The following CD46 variants were observed in gnomAD, a reference collection of about 807,000 sequenced individuals.
CD46 encodes the protein CD46 molecule, also known as membrane cofactor protein.
Under a neutral mutation model 53.3 loss-of-function variants are expected in CD46, and 30 were observed. That is an observed-to-expected ratio of 0.56 (90% CI 0.42 to 0.76). The LOEUF is 0.76. Ranked by LOEUF, CD46 falls within the 30% of genes least tolerant of loss-of-function variation. The probability of loss-of-function intolerance (pLI) is 0.00; values close to 1 mark genes in which losing one functional copy is unlikely to be tolerated. For synonymous variants in CD46, 142 were observed against 152.0 expected, an observed-to-expected ratio of 0.93 and a Z score of 0.48; for missense variants, 409 against 463.0, an observed-to-expected ratio of 0.88 and a Z score of 1.07.
intron 5 of CD46, 84 bp from the exon 6 acceptor site, chr1:207,766,929 G>C: frequency 9.2e-7 from 1 of 1,082,044 alleles, no homozygotes; most frequent in Non-Finnish European, 1.4e-6. Flanking sequence ...CCTTGTCTCT[G>C]TTCACACTGG....
chr1:207,775,218 T>C (rs1438354647), intron 8 of CD46, among the ~76,000 whole-genome samples: 1 of 152,222 alleles, frequency 6.6e-6, no homozygotes, highest in Non-Finnish European at 1.5e-5. Flanking sequence ...GTGCCGTGGT[T>C]TTCAGCTCCA....
chr1:207,782,898 C>A (rs1166567137), intron 8 of CD46, among the ~76,000 whole-genome samples: 1 of 151,626 alleles, frequency 6.6e-6, no homozygotes, highest in East Asian at 1.9e-4. Context: ...CGTGATCCGC[C>A]TGCCTCGGCC....
chr1:207,784,903 C>A (rs1216142516), intron 9 of CD46, among the ~76,000 whole-genome samples, 168 bp from the exon 10 acceptor site: 2 of 152,202 alleles, frequency 1.3e-5, no homozygotes, highest in Non-Finnish European at 2.9e-5. Context: ...TCAATTACCT[C>A]TCATGGGGTC....
chr1:207,790,469 T>C lies in CD46; in HGVS notation c.*41+124T>C, dbSNP rs542214744. 11 of 625,582 alleles carry C rather than the reference T, an allele frequency of 1.8e-5. No individual in the cohort carries two copies. In the South Asian group the frequency reaches 1.8e-4, roughly 10 times the overall value. The allele number at this position is 625,582 out of a possible 1,614,324, so 38.8% of individuals were successfully genotyped here. ...GTAAATATCAAAGAGGAAATTTACA[T>C]TCCTGTTCCCTTTGCTAAATTATTG... On this transcript the variant is annotated intron_variant, in intron 12 of 12. Transcript: ENST00000367042.
chr1:207,776,587 CTT>C (rs1658138810), intron 8 of CD46, among the ~76,000 whole-genome samples: 1 of 152,038 alleles, frequency 6.6e-6, no homozygotes, highest in African/African-American at 2.4e-5. Flanking sequence ...AAAATAACAT[CTT>C]GTTTTAATTT....
Position 207,767,809 on chromosome 1 carries a change from C to T in CD46, c.887C>T (p.Ala296Val), listed in dbSNP as rs753859532. 1.8e-4 allele frequency: 282 copies of T among 1,610,846 alleles called. No homozygotes were observed. In the East Asian group the frequency reaches 2.0e-3, roughly 12 times the overall value. Residue 296 changes from alanine to valine, a missense_variant, in exon 7 of 13, where the codon GCG (alanine) becomes GTG (valine). Coordinates refer to ENST00000367042, the MANE Select transcript of CD46 (RefSeq NM_172351.3). ...VSTSSTTKSPASSASGPRPTY... is the reference protein window; with the variant it reads ...VSTSSTTKSPVSSASGPRPTY... ...ACTTCTTCCACTACAAAATCTCCAG[C>T]GTCCAGTGCCTCAGGTTTAGTAATT... is the stretch of plus-strand genomic sequence containing the variant.
intron 4 of CD46, chr1:207,760,128 TG>T (rs1656016721): frequency 5.8e-6 from 1 of 172,480 alleles, no homozygotes; most frequent in African/African-American, 2.4e-5. Context: ...TCTGCCCCCG[TG>T]GGCCTCCCAA....
intron 7 of CD46, 170 bp from the exon 8 acceptor site, chr1:207,770,151 A>G (rs1467470495): frequency 1.6e-6 from 1 of 620,074 alleles, no homozygotes; most frequent in Non-Finnish European, 2.9e-6. Context: ...TACATCTTAC[A>G]TACTTGTGCA....
At chr1:207,758,471 C>T (rs1004732005) in intron 3 of CD46, among the ~76,000 whole-genome samples, 4 of 152,110 alleles carry the variant, frequency 2.6e-5, no homozygotes, top group African/African-American at 4.8e-5. Flanking sequence ...ACAACGTGCT[C>T]TTATGGTAAT....
intron 3 of CD46, among the ~76,000 whole-genome samples, chr1:207,758,944 A>C (rs1655872124): frequency 6.6e-6 from 1 of 151,812 alleles, no homozygotes; most frequent in African/African-American, 2.4e-5. Flanking sequence ...ATTATTCATG[A>C]TAATTACTCT....
chr1:207,781,626 C>T (rs1011107510), intron 8 of CD46, among the ~76,000 whole-genome samples: 1 of 152,092 alleles, frequency 6.6e-6, no homozygotes, highest in Admixed American at 6.6e-5. Flanking sequence ...TCCAGCTTCA[C>T]TTTTTTTGCA....
intron 12 of CD46, among the ~76,000 whole-genome samples, 186 bp downstream of exon 12, chr1:207,790,531 T>C (rs995664319): frequency 5.9e-5 from 9 of 152,196 alleles, no homozygotes; most frequent in African/African-American, 2.2e-4. Context: ...AAACATAATG[T>C]GTACTGACAG....
intron 1 of CD46, among the ~76,000 whole-genome samples, chr1:207,755,441 C>T (rs1270000061): frequency 1.3e-5 from 2 of 152,198 alleles, no homozygotes; most frequent in Non-Finnish European, 2.9e-5. Flanking sequence ...GAGAAGGTTT[C>T]GTAAGCAGAC....
rs1184654951 is a variant in CD46, at chr1:207,794,782, T to C, written c.*1305T>C. The C allele has an allele frequency of 2.6e-5, 4 of 152,344 alleles. No homozygotes were observed. The East Asian group carries it at 7.7e-4, about 29-fold the overall frequency. 9.4% of individuals were successfully genotyped at this position (152,344 alleles called of 1,614,324 possible). The stretch of plus-strand genomic sequence containing the variant: ...GAGTCCCTTAGCCAAGCAGTTTCTT[T>C]CAAAGAAGCCAGCAGGCGAAAAGCA... On this transcript the variant is annotated 3_prime_UTR_variant, in exon 13 of 13. Coordinates refer to ENST00000367042, the MANE Select transcript of CD46 (RefSeq NM_172351.3).
Position 207,794,009 on chromosome 1 carries a change from A to T in CD46, c.*532A>T. The T allele has an allele frequency of 5.5e-6, 1 of 181,266 alleles. No individual in the cohort carries two copies. Among genetic ancestry groups the T allele is most frequent in the South Asian group, 1.1e-4 (1 of 8,720 alleles). The allele number at this position is 181,266 out of a possible 1,614,324, so 11.2% of individuals were successfully genotyped here. A position where few individuals can be genotyped will look rare whatever the true frequency, so the allele number is the denominator to read the frequency against. On this transcript the variant is annotated 3_prime_UTR_variant, in exon 13 of 13. Transcript: ENST00000367042. Reference sequence around the variant, plus strand: ...TTTCACCAACTATAGAATGTATTTTATATATCGTTCATTGTAAAAAGCCCT... The same window carrying T: ...TTTCACCAACTATAGAATGTATTTTTTATATCGTTCATTGTAAAAAGCCCT...
intron 8 of CD46, among the ~76,000 whole-genome samples, chr1:207,775,416 T>G (rs933958634): frequency 6.6e-6 from 1 of 152,224 alleles, no homozygotes; most frequent in Non-Finnish European, 1.5e-5. Flanking sequence ...TTTTGTTCCC[T>G]TGCTGGCAAG....
At chr1:207,758,597 A>G (rs957063227) in intron 3 of CD46, among the ~76,000 whole-genome samples, 1 of 152,228 alleles carries the variant, frequency 6.6e-6, no homozygotes, top group African/African-American at 2.4e-5. Context: ...ACCACCTCTC[A>G]ATGCTGTTAC....
intron 7 of CD46, chr1:207,770,032 C>T (rs1430155775): frequency 8.1e-6 from 3 of 370,440 alleles, no homozygotes; most frequent in South Asian, 2.8e-5. Flanking sequence ...TCCCACAGTG[C>T]TGGGATTACA....
intron 12 of CD46, 116 bp downstream of exon 12, chr1:207,790,461 A>T: frequency 3.1e-6 from 2 of 641,762 alleles, no homozygotes; most frequent in Non-Finnish European, 2.8e-6. Flanking sequence ...TCAAAGAGGA[A>T]ATTTACATTC....
Sources: allele counts gnomAD v4.1 joint callset (sites outside exome capture counted in the v4.1 genomes callset), GRCh38; gene constraint gnomAD v4.1.1; transcripts MANE v1.5; gene names NCBI Gene and HGNC (gene_info 2026-07-23, HGNC 2026-07-21).